Variants in LRFN2 observed in about 807,000 individuals in gnomAD.
The protein encoded by LRFN2 is leucine-rich repeat and fibronectin type-III domain-containing protein 2.
In LRFN2, 18 loss-of-function variants were observed where a neutral mutation model predicts 37.3. That is an observed-to-expected ratio of 0.48 (90% CI 0.33 to 0.72). LRFN2 has a LOEUF of 0.72. Ranked by LOEUF, LRFN2 falls within the 30% of genes least tolerant of loss-of-function variation. LRFN2 has a pLI of 0.02. For missense variants in LRFN2, 1,006 were observed against 1,060.7 expected (o/e 0.95, Z 0.72); for synonymous variants, 556 against 466.6 (o/e 1.19, Z -2.47).
chr6:40,586,129 G>A (rs1767499065), intron 1 of LRFN2, among the ~76,000 whole-genome samples: 1 of 152,104 alleles, frequency 6.6e-6, no homozygotes, highest in South Asian at 2.1e-4. Context: ...CTTTGTACCG[G>A]GCTGATGGGA....
intron 2 of LRFN2, among the ~76,000 whole-genome samples, chr6:40,425,659 T>C (rs756321202): frequency 2.6e-5 from 4 of 152,160 alleles, no homozygotes; most frequent in Admixed American, 6.5e-5. Flanking sequence ...AGGGACATGA[T>C]AGTCAGCCCT....
intron 1 of LRFN2, among the ~76,000 whole-genome samples, chr6:40,508,724 G>C (rs1390605605): frequency 2.0e-5 from 3 of 152,196 alleles, no homozygotes; most frequent in Non-Finnish European, 4.4e-5. Context: ...GCTGTGCTTG[G>C]CATGACATTA....
At chr6:40,481,584 T>C (rs1378931447) in intron 1 of LRFN2, among the ~76,000 whole-genome samples, 2 of 152,274 alleles carry the variant, frequency 1.3e-5, no homozygotes, top group African/African-American at 4.8e-5. Flanking sequence ...TTATTTTTCT[T>C]GTTGGGTATG....
Position 40,433,110 on chromosome 6 carries a change from C to T in LRFN2, c.4G>A (p.Glu2Lys). 1 of 1,520,382 alleles carries T rather than the reference C, an allele frequency of 6.6e-7. No individual in the cohort carries two copies. The allele number at this position is 1,520,382 out of a possible 1,614,324, so 94.2% of individuals were successfully genotyped here. Residue 2 changes from glutamate (E) to lysine (K), a missense_variant, in exon 2 of 3, where the codon GAG (glutamate) becomes AAG (lysine). Coordinates refer to ENST00000338305, the MANE Select transcript of LRFN2 (RefSeq NM_020737.3). The stretch of plus-strand genomic sequence containing the variant: ...GCTAGCAGGCCACCAAGCAGGGTCT[C>T]CATGGTCTGGTCACTCAGCGCCTGG... M[E>K]TLLGGLLAFG...
chr6:40,406,043 C>T (rs1445452651), intron 2 of LRFN2, among the ~76,000 whole-genome samples: 2 of 152,070 alleles, frequency 1.3e-5, no homozygotes, highest in East Asian at 1.9e-4. Context: ...CTCCATGGGG[C>T]TCCTTCATGG....
At chr6:40,481,309 C>A (rs1764825417) in intron 1 of LRFN2, among the ~76,000 whole-genome samples, 1 of 151,982 alleles carries the variant, frequency 6.6e-6, no homozygotes, top group East Asian at 1.9e-4. Context: ...GTGGCACATG[C>A]CTGTAATCTC....
intron 2 of LRFN2, among the ~76,000 whole-genome samples, chr6:40,405,711 A>C (rs964764750): frequency 4.6e-5 from 7 of 152,224 alleles, no homozygotes; most frequent in African/African-American, 7.2e-5. Flanking sequence ...CTTGCAGCAG[A>C]ATGGGTCCCC....
In LRFN2 at chr6:40,432,255, C is replaced by G; in HGVS notation, c.859G>C (p.Glu287Gln). The change falls in exon 2 of 3, where the codon GAG becomes CAG. Residue 287 changes from glutamate to glutamine, a missense_variant. Glu to Gln is a conservative substitution (Grantham distance 29). Transcript: ENST00000338305. The part of the protein sequence containing the change: ...WHVREEEFVC[E>Q]PPLITQHTHK... ...GTGTGCTGGGTGATGAGAGGCGGCT[C>G]GCACACAAACTCCTCCTCACGCACA... The G allele has an allele frequency of 6.2e-6, 10 of 1,613,984 alleles. No homozygotes were observed. The highest frequency in any genetic ancestry group is 8.5e-6 in the Non-Finnish European group (10 of 1,180,018).
Position 40,392,532 on chromosome 6 carries a change from G to A in LRFN2, c.1781C>T (p.Ala594Val), listed in dbSNP as rs765235410. The change falls in exon 3 of 3, where the codon GCC (alanine) becomes GTC (valine). Residue 594 changes from alanine (A) to valine (V), a missense_variant. Ala to Val is a moderately conservative substitution (Grantham distance 64). Coordinates refer to ENST00000338305, the MANE Select transcript of LRFN2 (RefSeq NM_020737.3). This position sits in a 1 kb window ranked among gnomAD's most constrained non-coding sequence, Gnocchi z 4.7. ...PPPPSSAPAG[A>V]PPQGPPKVVV... The stretch of plus-strand genomic sequence containing the variant: ...CACCTTCGGCGGGCCCTGCGGCGGG[G>A]CCCCGGCTGGTGCGCTGCTTGGAGG... The A allele has an allele frequency of 2.5e-6, 4 of 1,570,876 alleles. No homozygotes were observed. The highest frequency in any genetic ancestry group is 3.4e-6 in the Non-Finnish European group (4 of 1,161,266).
At chr6:40,561,255 G>A (rs1766988689) in intron 1 of LRFN2, among the ~76,000 whole-genome samples, 1 of 152,214 alleles carries the variant, frequency 6.6e-6, no homozygotes, top group African/African-American at 2.4e-5. Context: ...AAAAGACAGA[G>A]CTGTGTGGGG....
chr6:40,459,032 C>G (rs983581490), intron 1 of LRFN2, among the ~76,000 whole-genome samples: 1 of 152,218 alleles, frequency 6.6e-6, no homozygotes, highest in Non-Finnish European at 1.5e-5. Context: ...GATGCTACAA[C>G]AAATGTTTTA....
intron 1 of LRFN2, among the ~76,000 whole-genome samples, chr6:40,534,089 C>T (rs962518122): frequency 6.6e-6 from 1 of 152,228 alleles, no homozygotes; most frequent in Non-Finnish European, 1.5e-5. Context: ...CACAGGGACA[C>T]AGCTGGTCAG....
In LRFN2 at chr6:40,392,960, G is replaced by T; in HGVS notation, c.1401-48C>A. On this transcript the variant is annotated intron_variant, in intron 2 of 2. Transcript: ENST00000338305. This position sits in a 1 kb window ranked among gnomAD's most constrained non-coding sequence, Gnocchi z 4.7. ...ATAGTGAGGGGTGGTGGGGTGGAAG[G>T]ACAGGGTGATGGGGAGTGGACAGAG... 1 of 1,485,566 alleles carries T rather than the reference G, an allele frequency of 6.7e-7. No individual in the cohort carries two copies. The highest frequency in any genetic ancestry group is 1.2e-5 in the South Asian group (1 of 80,354). The allele number at this position is 1,485,566 out of a possible 1,614,324, so 92.0% of individuals were successfully genotyped here. A position where few individuals can be genotyped will look rare whatever the true frequency, so the allele number is the denominator to read the frequency against.
intron 1 of LRFN2, among the ~76,000 whole-genome samples, chr6:40,457,339 GT>G (rs1451456461): frequency 6.6e-6 from 1 of 152,052 alleles, no homozygotes; most frequent in Non-Finnish European, 1.5e-5. Context: ...CCACAAGGAA[GT>G]TTGGGGGAGA....
intron 1 of LRFN2, among the ~76,000 whole-genome samples, chr6:40,505,155 T>C (rs1765499984): frequency 6.6e-6 from 1 of 152,092 alleles, no homozygotes; most frequent in Non-Finnish European, 1.5e-5. Flanking sequence ...TGGGCATCTG[T>C]GATTGTTTAT....
At chr6:40,454,862 C>T (rs1299922109) in intron 1 of LRFN2, among the ~76,000 whole-genome samples, 1 of 152,186 alleles carries the variant, frequency 6.6e-6, no homozygotes, top group Non-Finnish European at 1.5e-5. Context: ...AAACCTAATG[C>T]ATAGTGAGAT....
chr6:40,568,732 C>CTTCCTTCA, intron 1 of LRFN2, among the ~76,000 whole-genome samples: 1 of 124,550 alleles, frequency 8.0e-6, no homozygotes, highest in East Asian at 2.1e-4. Context: ...TCCTTCCTTC[C>CTTCCTTCA]TTTTTTGAGA....
At chr6:40,419,496 C>A (rs1266459564) in intron 2 of LRFN2, among the ~76,000 whole-genome samples, 1 of 152,198 alleles carries the variant, frequency 6.6e-6, no homozygotes, top group Non-Finnish European at 1.5e-5. Context: ...CCCAGCCCAG[C>A]CCAGGCCAGA....
intron 1 of LRFN2, among the ~76,000 whole-genome samples, chr6:40,534,107 C>T (rs1484829663): frequency 1.3e-5 from 2 of 152,170 alleles, no homozygotes; most frequent in African/African-American, 4.8e-5. Flanking sequence ...CAGTGGTGGA[C>T]CAGGCAGTCT....
Sources: gnomAD v4.1 joint callset for allele counts (sites outside exome capture counted in the v4.1 genomes callset) on GRCh38, gnomAD v4.1.1 for gene constraint, Gnocchi (gnomAD v3.1) non-coding constraint, MANE v1.5 for transcripts, NCBI Gene and HGNC (gene_info 2026-07-23, HGNC 2026-07-21) for gene names.